The following CNTN6 variants were observed in gnomAD, a reference collection of about 807,000 sequenced individuals.
CNTN6 encodes contactin 6, also known as contactin-6.
A neutral mutation model predicts 122.8 loss-of-function variants in CNTN6; 137 were observed. That is an observed-to-expected ratio of 1.12 (90% CI 0.97 to 1.29). The LOEUF is 1.29. Among genes scored for constraint, CNTN6 ranks in the 50% most tolerant of loss-of-function variants. The pLI, the probability that CNTN6 is intolerant of heterozygous loss-of-function variation, is 0.00. For synonymous variants in CNTN6, 570 were observed against 426.0 expected (o/e 1.34, Z -4.16); for missense variants, 1,634 against 1,223.4 (o/e 1.34, Z -5.01).
intron 4 of CNTN6, among the ~76,000 whole-genome samples, chr3:1,265,711 A>G (rs954857432): frequency 6.6e-6 from 1 of 152,198 alleles, no homozygotes; most frequent in East Asian, 1.9e-4. Flanking sequence ...AAATGCAGTC[A>G]GACCACTTTG....
intron 2 of CNTN6, among the ~76,000 whole-genome samples, chr3:1,165,452 G>A (rs1004817104): frequency 2.0e-5 from 3 of 152,088 alleles, no homozygotes; most frequent in African/African-American, 7.2e-5. Flanking sequence ...GAACCAGATA[G>A]ATTCTTCTCA....
intron 2 of CNTN6, among the ~76,000 whole-genome samples, chr3:1,183,912 C>T (rs1445196365): frequency 1.3e-5 from 2 of 152,162 alleles, no homozygotes; most frequent in Admixed American, 6.6e-5. Context: ...TGCTTTCAAA[C>T]TCATTTGGTT....
At chr3:1,273,451 T>C (rs959646491) in intron 4 of CNTN6, among the ~76,000 whole-genome samples, 2 of 152,232 alleles carry the variant, frequency 1.3e-5, no homozygotes. Flanking sequence ...GATGCTTGTA[T>C]GGCTACCTAA....
At chr3:1,399,524 A>G (rs1167678310) in intron 20 of CNTN6, among the ~76,000 whole-genome samples, 1 of 152,108 alleles carries the variant, frequency 6.6e-6, no homozygotes, top group Admixed American at 6.6e-5. Flanking sequence ...TGGTCAATCC[A>G]ATTGGCCTGT....
chr3:1,202,091 G>A (rs2093880926), intron 2 of CNTN6, among the ~76,000 whole-genome samples: 2 of 152,106 alleles, frequency 1.3e-5, no homozygotes, highest in African/African-American at 2.4e-5. Context: ...AACTTTTCCT[G>A]CATTTTCTTG....
At chr3:1,233,092 C>G (rs961475950) in intron 4 of CNTN6, among the ~76,000 whole-genome samples, 3 of 152,060 alleles carry the variant, frequency 2.0e-5, no homozygotes, top group Non-Finnish European at 2.9e-5. Context: ...ATATCCGGGC[C>G]TAATCTGCAA....
In CNTN6 at chr3:1,245,594, C is replaced by T. The variant is rs1043140881; in HGVS notation, c.358+17601C>T. Among the ~76,000 whole-genome samples the T allele has an allele frequency of 2.0e-5, 3 of 150,886 alleles. No individual in the cohort carries two copies. In the South Asian group the frequency reaches 6.3e-4, roughly 32 times the overall value. On this transcript the variant is annotated intron_variant, in intron 4 of 22. Transcript: ENST00000446702. ...CATATTGGGTACAGTGTACGTGGCTCAGGTGACGGGTACGCCAAAATCTCA... is the reference window on the plus strand; with the variant it reads ...CATATTGGGTACAGTGTACGTGGCTTAGGTGACGGGTACGCCAAAATCTCA...
intron 4 of CNTN6, among the ~76,000 whole-genome samples, chr3:1,238,864 AAAGAT>A (rs756973380): frequency 2.0e-5 from 3 of 152,186 alleles, no homozygotes; most frequent in Non-Finnish European, 2.9e-5. Flanking sequence ...GCCTCTTTGA[AAAGAT>A]AAATAAAATT....
At chr3:1,337,595 G>A (rs943260947) in intron 11 of CNTN6, among the ~76,000 whole-genome samples, 2 of 152,078 alleles carry the variant, frequency 1.3e-5, no homozygotes, top group African/African-American at 4.8e-5. Context: ...TAGTACGTCA[G>A]GTAGCATGAG....
At chr3:1,194,729 T>C (rs1248803848) in intron 2 of CNTN6, among the ~76,000 whole-genome samples, 1 of 152,078 alleles carries the variant, frequency 6.6e-6, no homozygotes, top group African/African-American at 2.4e-5. Flanking sequence ...GAAAGTAACA[T>C]TTTCTTTCAT....
At chr3:1,148,178 G>C (rs1421957933) in intron 2 of CNTN6, 115 bp downstream of exon 2, 1 of 768,102 alleles carries the variant, frequency 1.3e-6, no homozygotes, top group Non-Finnish European at 2.2e-6. Flanking sequence ...GAATGACTAA[G>C]TGATAATGTT....
At chr3:1,289,947 T>A (rs1489937067) in intron 5 of CNTN6, among the ~76,000 whole-genome samples, 1 of 152,184 alleles carries the variant, frequency 6.6e-6, no homozygotes, top group Admixed American at 6.5e-5. Context: ...GTGCTGGGAT[T>A]GCAGGCGTGA....
chr3:1,167,524 A>G (rs1229764900), intron 2 of CNTN6, among the ~76,000 whole-genome samples: 3 of 152,242 alleles, frequency 2.0e-5, no homozygotes, highest in Non-Finnish European at 4.4e-5. Flanking sequence ...GTGAGTCACA[A>G]TGATCATCAC....
At chr3:1,199,741 A>G (rs984922458) in intron 2 of CNTN6, among the ~76,000 whole-genome samples, 1 of 152,186 alleles carries the variant, frequency 6.6e-6, no homozygotes, top group African/African-American at 2.4e-5. Flanking sequence ...GAGCTCACTC[A>G]TGGCTCAAAA....
chr3:1,373,489 C>A, intron 14 of CNTN6, 115 bp from the exon 15 acceptor site: 3 of 913,738 alleles, frequency 3.3e-6, no homozygotes, highest in Admixed American at 2.9e-5. Context: ...GCTATAAATA[C>A]ATTATGGTCA....
intron 2 of CNTN6, among the ~76,000 whole-genome samples, chr3:1,153,928 C>A (rs2125201323): frequency 6.6e-6 from 1 of 152,310 alleles, no homozygotes; most frequent in South Asian, 2.1e-4. Flanking sequence ...GAGTACGTCA[C>A]AACCCACACT....
At chr3:1,291,797 A>T (rs775951831) in intron 5 of CNTN6, among the ~76,000 whole-genome samples, 15 of 152,214 alleles carry the variant, frequency 9.9e-5, no homozygotes, top group Non-Finnish European at 2.1e-4. Context: ...AAACTGAAGC[A>T]AGAGACCACA....
intron 12 of CNTN6, among the ~76,000 whole-genome samples, chr3:1,360,320 C>A (rs1008220197): frequency 6.6e-6 from 1 of 152,032 alleles, no homozygotes; most frequent in Non-Finnish European, 1.5e-5. Flanking sequence ...TTGACAATTT[C>A]AAGATAATGT....
At chr3:1,274,450 T>C (rs1691946852) in intron 4 of CNTN6, among the ~76,000 whole-genome samples, 1 of 152,154 alleles carries the variant, frequency 6.6e-6, no homozygotes, top group Non-Finnish European at 1.5e-5. Flanking sequence ...GGGGGTGTAG[T>C]TGAGGATCAG....
Sources: allele counts gnomAD v4.1 joint callset (sites outside exome capture counted in the v4.1 genomes callset), GRCh38; gene constraint gnomAD v4.1.1; transcripts MANE v1.5; gene names NCBI Gene and HGNC (gene_info 2026-07-23, HGNC 2026-07-21).